The following FMNL3 variants were observed in gnomAD, a reference collection of about 807,000 sequenced individuals.
FMNL3 encodes the protein formin like 3, also known as formin-like protein 3.
In FMNL3, 57 loss-of-function variants were observed where a neutral mutation model predicts 119.6. That is an observed-to-expected ratio of 0.48 (90% CI 0.39 to 0.59). The LOEUF (loss-of-function observed/expected upper bound fraction) is 0.59, where lower values mean the gene tolerates loss of function less well. Among genes scored for constraint, FMNL3 ranks in the 20% least tolerant of loss-of-function variants. The pLI, the probability that FMNL3 is intolerant of heterozygous loss-of-function variation, is 0.00. For synonymous variants in FMNL3, 491 were observed against 507.3 expected (o/e 0.97, Z 0.43); for missense variants, 1,053 against 1,323.5 (o/e 0.80, Z 3.17).
At chr12:49,699,883 G>A (rs190289073) in intron 1 of FMNL3, among the ~76,000 whole-genome samples, 4 of 152,210 alleles carry the variant, frequency 2.6e-5, no homozygotes, top group South Asian at 2.1e-4. Context: ...ACTCAGTAAC[G>A]GTTAGCTTAC....
At chr12:49,658,124 G>A (rs1299012512) in intron 6 of FMNL3, among the ~76,000 whole-genome samples, 1 of 152,178 alleles carries the variant, frequency 6.6e-6, no homozygotes. Context: ...TATGAGATGT[G>A]CCCTGCTCAA....
Position 49,646,705 on chromosome 12 carries a change from C to T in FMNL3, c.2995+181G>A, listed in dbSNP as rs138132006. 2.0e-5 allele frequency: 31 copies of T among 1,541,312 alleles called. No homozygotes were observed. In the African/African-American group the frequency reaches 2.7e-4, roughly 14 times the overall value. On this transcript the variant is annotated intron_variant, in intron 25 of 25. Transcript: ENST00000335154. ...ATGGTGGGCTGCATCACAGAAGAAG[C>T]GTGAGCCCCGCTTGGCAGTACGGGC...
chr12:49,647,230 CTT>C lies in FMNL3; in HGVS notation c.2871+44_2871+45del, dbSNP rs1425383138. On this transcript the variant is annotated intron_variant, in intron 24 of 25. Transcript: ENST00000335154. The surrounding 1 kb of genome is among the most constrained non-coding windows in gnomAD (Gnocchi z 4.9). ...AGCCTTCTGACCCCCAGCCCCCACTCTTTTGCCTTGTCGTCCTCCAGGCCCCA... is the reference window on the plus strand; with the variant it reads ...AGCCTTCTGACCCCCAGCCCCCACTCTTGCCTTGTCGTCCTCCAGGCCCCA... 2 of 1,609,076 alleles carry C rather than the reference CTT, an allele frequency of 1.2e-6. No homozygotes were observed. The highest frequency in any genetic ancestry group is 1.7e-6 in the Non-Finnish European group (2 of 1,175,850).
In FMNL3 at chr12:49,642,421, G is replaced by A. The variant is rs377154240; in HGVS notation, c.*3394C>T. The stretch of plus-strand genomic sequence containing the variant: ...AGCACCCCTCAAGCCTGAGGGCAGC[G>A]GTGCTTCACCACTGAGGGCCCACCC... On this transcript the variant is annotated 3_prime_UTR_variant, in exon 26 of 26. Transcript: ENST00000335154. The surrounding 1 kb of genome is among the most constrained non-coding windows in gnomAD (Gnocchi z 5.8). The A allele has an allele frequency of 1.3e-4, 201 of 1,603,490 alleles. No homozygotes were observed. In the Middle Eastern group the frequency reaches 1.4e-3, roughly 11 times the overall value.
Position 49,643,357 on chromosome 12 carries a change from T to A in FMNL3, c.*2458A>T. On this transcript the variant is annotated 3_prime_UTR_variant, in exon 26 of 26. Coordinates refer to ENST00000335154, the MANE Select transcript of FMNL3 (RefSeq NM_175736.5). ...CAGTTGAAAGTGGGGGTGCTGCCCT[T>A]GGAGGACGGGGCTCCCCTTCCTCCC... is the stretch of plus-strand genomic sequence containing the variant. 6.3e-7 allele frequency: 1 copy of A among 1,593,760 alleles called. No individual in the cohort carries two copies. Among genetic ancestry groups the A allele is most frequent in the Middle Eastern group, 1.7e-4 (1 of 5,956 alleles).
At chr12:49,653,625 C>T in intron 12 of FMNL3, 100 bp downstream of exon 12, 2 of 1,545,402 alleles carry the variant, frequency 1.3e-6, no homozygotes, top group South Asian at 1.2e-5. Flanking sequence ...TCTAAAGCCT[C>T]CCTGGGACTC....
intron 1 of FMNL3, among the ~76,000 whole-genome samples, chr12:49,679,519 CTTTTTTT>C (rs551320921): frequency 1.3e-4 from 12 of 90,642 alleles, no homozygotes; most frequent in African/African-American, 3.7e-4. Flanking sequence ...GCATTTGTGT[CTTTTTTT>C]TTTTTTTTTT....
At position 49,641,889 on chromosome 12, in the gene FMNL3, T is replaced by C. The variant is rs202101825; in HGVS notation, c.*3926A>G. 17 of 1,609,394 alleles carry C rather than the reference T, an allele frequency of 1.1e-5. No homozygotes were observed. The highest frequency in any genetic ancestry group is 2.2e-5 in the South Asian group (2 of 90,972). On this transcript the variant is annotated 3_prime_UTR_variant, in exon 26 of 26. Coordinates refer to ENST00000335154, the MANE Select transcript of FMNL3 (RefSeq NM_175736.5). ...TCAGGCACGTGGTGCCCCTGCTTCA[T>C]GCACTGCTGTACCCACAGGACCGGG...
chr12:49,657,573 G>A (rs1196997326), intron 6 of FMNL3, among the ~76,000 whole-genome samples: 1 of 152,170 alleles, frequency 6.6e-6, no homozygotes, highest in African/African-American at 2.4e-5. Context: ...TGTGGGACAA[G>A]AGCGTCATGG....
chr12:49,702,530 T>C (rs1944936920), intron 1 of FMNL3, among the ~76,000 whole-genome samples: 1 of 152,150 alleles, frequency 6.6e-6, no homozygotes, highest in African/African-American at 2.4e-5. Context: ...AGAATAAGTA[T>C]TACTTTAAGA....
chr12:49,642,772 A>G lies in FMNL3; in HGVS notation c.*3043T>C, dbSNP rs1942848143. ...GTGGCCTCCCTCTTACCCTTAGGGC[A>G]CTCCTGGCCAGCTAAGGAAGGGGAG... On this transcript the variant is annotated 3_prime_UTR_variant, in exon 26 of 26. Coordinates refer to ENST00000335154, the MANE Select transcript of FMNL3 (RefSeq NM_175736.5). The surrounding 1 kb of genome is among the most constrained non-coding windows in gnomAD (Gnocchi z 5.8). 1.5e-5 allele frequency: 22 copies of G among 1,443,944 alleles called. No individual in the cohort carries two copies. Among genetic ancestry groups the G allele is most frequent in the Non-Finnish European group, 2.0e-5 (21 of 1,050,078 alleles). The allele number at this position is 1,443,944 out of a possible 1,614,324, so 89.4% of individuals were successfully genotyped here.
intron 1 of FMNL3, among the ~76,000 whole-genome samples, chr12:49,692,272 T>C (rs1200054997): frequency 6.6e-6 from 1 of 151,528 alleles, no homozygotes; most frequent in African/African-American, 2.4e-5. Flanking sequence ...CCTGAGAAGT[T>C]GAGACTGTGA....
At chr12:49,683,677 TC>T (rs1253278117) in intron 1 of FMNL3, among the ~76,000 whole-genome samples, 1 of 151,098 alleles carries the variant, frequency 6.6e-6, no homozygotes, top group Non-Finnish European at 1.5e-5. Flanking sequence ...TCTGGTTCCT[TC>T]CCATGGTTGC....
chr12:49,661,938 C>G lies in FMNL3; in HGVS notation c.452+28G>C, dbSNP rs756780185. On this transcript the variant is annotated intron_variant, in intron 5 of 25. Transcript: ENST00000335154. ...AACTATGTCCTCCCCCAACTGGTCC[C>G]CAACTTCAGCCCCGGGGTGGTACTC... is the stretch of plus-strand genomic sequence containing the variant. 7 of 1,609,488 alleles carry G rather than the reference C, an allele frequency of 4.3e-6. No homozygotes were observed. In the African/African-American group the frequency reaches 8.0e-5, roughly 18 times the overall value.
Position 49,641,919 on chromosome 12 carries a change from C to T in FMNL3, c.*3896G>A, listed in dbSNP as rs768420141. On this transcript the variant is annotated 3_prime_UTR_variant, in exon 26 of 26. Coordinates refer to ENST00000335154, the MANE Select transcript of FMNL3 (RefSeq NM_175736.5). Reference sequence around the variant, plus strand: ...TGCTGTACCCACAGGACCGGGGCTTCTGCGTGGAGGTGAACACGGCCTTTG... The same window carrying T: ...TGCTGTACCCACAGGACCGGGGCTTTTGCGTGGAGGTGAACACGGCCTTTG... The T allele has an allele frequency of 2.2e-5, 36 of 1,613,322 alleles. No individual in the cohort carries two copies. Among genetic ancestry groups the T allele is most frequent in the Non-Finnish European group, 2.9e-5 (34 of 1,180,054 alleles).
intron 11 of FMNL3, 52 bp from the exon 12 acceptor site, chr12:49,653,926 G>T: frequency 1.3e-6 from 2 of 1,597,538 alleles, no homozygotes; most frequent in South Asian, 1.1e-5. Context: ...CAGATCATCA[G>T]GGGAACTTTC....
At chr12:49,654,491 A>G (rs970418954) in intron 10 of FMNL3, among the ~76,000 whole-genome samples, 189 bp from the exon 11 acceptor site, 5 of 152,232 alleles carry the variant, frequency 3.3e-5, no homozygotes, top group Admixed American at 3.3e-4. Context: ...TATTCAGTGT[A>G]TAAAGACAAG....
chr12:49,653,429 G>T, intron 12 of FMNL3, 102 bp from the exon 13 acceptor site: 2 of 1,178,922 alleles, frequency 1.7e-6, no homozygotes, highest in Non-Finnish European at 2.5e-6. Flanking sequence ...TCAACACAAG[G>T]CCACAAAGGC....
At chr12:49,706,357 G>C (rs1035892315) in intron 1 of FMNL3, among the ~76,000 whole-genome samples, 1 of 152,210 alleles carries the variant, frequency 6.6e-6, no homozygotes, top group South Asian at 2.1e-4. Context: ...TGAAAAGGGG[G>C]GGAGGAGGCG....
Sources: allele counts gnomAD v4.1 joint callset (sites outside exome capture counted in the v4.1 genomes callset), GRCh38; gene constraint gnomAD v4.1.1; non-coding constraint Gnocchi (gnomAD v3.1); transcripts MANE v1.5; gene names NCBI Gene and HGNC (gene_info 2026-07-23, HGNC 2026-07-21).